The following ATG7 variants were observed in gnomAD, a reference collection of about 807,000 sequenced individuals.
ATG7 encodes the protein ubiquitin-like modifier-activating enzyme ATG7.
In ATG7, 70 loss-of-function variants were observed where a neutral mutation model predicts 82.4. That is an observed-to-expected ratio of 0.85 (90% CI 0.70 to 1.04). The LOEUF is 1.04. ATG7 is among the 50% of genes least tolerant of loss of function. The probability of loss-of-function intolerance (pLI) is 0.00; values close to 1 mark genes in which losing one functional copy is unlikely to be tolerated. For synonymous variants in ATG7, 287 were observed against 313.0 expected (o/e 0.92, Z 0.88); for missense variants, 792 against 864.3 (o/e 0.92, Z 1.05).
In ATG7 at chr3:11,308,953, AC is replaced by A. The variant is rs758369931; in HGVS notation, c.334-29del. ...GTGAGAAACTCAGAGATGCCTGGTA[AC>A]CTGCCTTGATGCTTTTCTTCTTCTT... On this transcript the variant is annotated intron_variant, in intron 6 of 20. Transcript: ENST00000693202. 4 of 1,591,398 alleles carry A rather than the reference AC, an allele frequency of 2.5e-6. No individual in the cohort carries two copies. In the East Asian group the frequency reaches 8.9e-5, roughly 36 times the overall value.
chr3:11,346,320 C>T (rs1329139915), intron 13 of ATG7, among the ~76,000 whole-genome samples: 1 of 152,208 alleles, frequency 6.6e-6, no homozygotes, highest in Non-Finnish European at 1.5e-5. Context: ...GTGACTGCAT[C>T]TTGGTCAGTA....
chr3:11,469,449 CA>C (rs370033434), intron 20 of ATG7, among the ~76,000 whole-genome samples: 4,583 of 140,146 alleles, frequency 0.033, 236 homozygotes, highest in African/African-American at 0.11. Flanking sequence ...AACTCCACCT[CA>C]AAAAAAAAAA....
At chr3:11,532,168 T>G (rs998551644) in intron 20 of ATG7, among the ~76,000 whole-genome samples, 6 of 152,190 alleles carry the variant, frequency 3.9e-5, no homozygotes, top group African/African-American at 9.7e-5. Flanking sequence ...GAAGATTTGC[T>G]CATTCAACAA....
intron 19 of ATG7, among the ~76,000 whole-genome samples, chr3:11,396,441 GA>G (rs909288340): frequency 6.7e-6 from 1 of 149,628 alleles, no homozygotes; most frequent in Admixed American, 6.6e-5. Flanking sequence ...TGTCCCAAAA[GA>G]AAAAAAAATG....
the ATG7 span, among the ~76,000 whole-genome samples, chr3:11,575,916 G>A: frequency 6.6e-6 from 1 of 152,212 alleles, no homozygotes; most frequent in African/African-American, 2.4e-5. Context: ...CGGGACTCAC[G>A]GAAATGCTGG....
intron 20 of ATG7, among the ~76,000 whole-genome samples, chr3:11,440,939 C>T (rs1283627465): frequency 6.6e-6 from 1 of 151,950 alleles, no homozygotes; most frequent in East Asian, 1.9e-4. Flanking sequence ...CTGCCTCGGC[C>T]TCCCAAAGTG....
At chr3:11,506,569 AAAAAAAAAAAAAAAACCC>A (rs1481179864) in intron 20 of ATG7, among the ~76,000 whole-genome samples, 6 of 131,902 alleles carry the variant, frequency 4.5e-5, no homozygotes, top group Non-Finnish European at 7.9e-5. Context: ...AAAAAAAAAA[AAAAAAAAAAAAAAAACCC>A]AAAAATTAGC....
At chr3:11,440,674 C>CATTTTTTTTTTTTTTTT (rs769737485) in intron 20 of ATG7, among the ~76,000 whole-genome samples, 18 of 39,482 alleles carry the variant, frequency 4.6e-4, no homozygotes, top group African/African-American at 2.0e-3. Context: ...TCCCCATTTG[C>CATTTTTTTTTTTTTTTT]TTTTTTTTTT....
At chr3:11,279,863 A>G (rs1942695574) in intron 1 of ATG7, among the ~76,000 whole-genome samples, 1 of 151,898 alleles carries the variant, frequency 6.6e-6, no homozygotes, top group Non-Finnish European at 1.5e-5. Context: ...CCAAATTGCT[A>G]TACTCCGATT....
At chr3:11,437,715 T>C (rs2083488545) in intron 20 of ATG7, among the ~76,000 whole-genome samples, 1 of 152,208 alleles carries the variant, frequency 6.6e-6, no homozygotes, top group Admixed American at 6.5e-5. Flanking sequence ...TGTACGTGCA[T>C]GCACTCCCCC....
At chr3:11,289,139 A>G (rs1252298325) in intron 3 of ATG7, among the ~76,000 whole-genome samples, 1 of 152,216 alleles carries the variant, frequency 6.6e-6, no homozygotes, top group African/African-American at 2.4e-5. Flanking sequence ...TTGAAGTGTG[A>G]TAGAAACAAT....
At position 11,480,992 on chromosome 3, in the gene ATG7, T is replaced by G. The variant is rs139210553; in HGVS notation, c.2079+54066T>G. 6.5e-4 allele frequency among the ~76,000 whole-genome samples: 99 copies of G among 152,354 alleles called. 2 individuals are homozygous for G. In the East Asian group the frequency reaches 0.015, roughly 24 times the overall value. On this transcript the variant is annotated intron_variant, in intron 20 of 20. Coordinates refer to ENST00000693202, the MANE Select transcript of ATG7 (RefSeq NM_001349232.2). ...TAAACAAGTCATAAATTACTCTTAA[T>G]TCTTCTAGGCAAGGGATACTATTAG...
chr3:11,574,783 ATATGTGTGTGTGTGTGTGTGTGTG>A, the ATG7 span, among the ~76,000 whole-genome samples: 17 of 111,854 alleles, frequency 1.5e-4, no homozygotes, highest in African/African-American at 5.6e-4. Context: ...ATTCAACTAT[ATATGTGTGTGTGTGTGTGTGTGTG>A]TGTGTGTGTG....
At chr3:11,509,619 T>C (rs2091940023) in intron 20 of ATG7, among the ~76,000 whole-genome samples, 1 of 152,198 alleles carries the variant, frequency 6.6e-6, no homozygotes, top group African/African-American at 2.4e-5. Context: ...AGAGGCACAG[T>C]TGTTTGGTGT....
At chr3:11,303,420 A>C (rs375038448) in intron 5 of ATG7, among the ~76,000 whole-genome samples, 14 of 152,330 alleles carry the variant, frequency 9.2e-5, no homozygotes, top group South Asian at 8.3e-4. Context: ...CTGTAATCCC[A>C]GCACTTTGGG....
chr3:11,465,102 T>TGA (rs1227935885), intron 20 of ATG7, among the ~76,000 whole-genome samples: 2 of 151,494 alleles, frequency 1.3e-5, no homozygotes, highest in African/African-American at 2.4e-5. Flanking sequence ...TGTGTGTGTG[T>TGA]GTGTGTGTGT....
chr3:11,510,255 CG>C (rs1302373482), intron 20 of ATG7: 4 of 456,544 alleles, frequency 8.8e-6, no homozygotes, highest in Non-Finnish European at 1.8e-5. Context: ...ACTCAGGAGT[CG>C]GCTGCCTGTC....
chr3:11,510,460 C>A, intron 20 of ATG7: 1 of 365,932 alleles, frequency 2.7e-6, no homozygotes, highest in Admixed American at 3.5e-5. Flanking sequence ...CCACCCCCTC[C>A]CCCATCCCAG....
In ATG7 at chr3:11,537,173, C is replaced by T. The variant is rs562722917; in HGVS notation, c.2080-17638C>T. 8.5e-5 allele frequency among the ~76,000 whole-genome samples: 13 copies of T among 152,310 alleles called. No homozygotes were observed. The East Asian group carries it at 2.5e-3, about 29-fold the overall frequency. On this transcript the variant is annotated intron_variant, in intron 20 of 20. Transcript: ENST00000693202. ...TTCTCCGTAGAGAGCTGCCCTCCCT[C>T]CACTCCTGGACGGGCTGGCTCCTTC...
Sources: gnomAD v4.1 joint callset for allele counts (sites outside exome capture counted in the v4.1 genomes callset) on GRCh38, gnomAD v4.1.1 for gene constraint, MANE v1.5 for transcripts, NCBI Gene and HGNC (gene_info 2026-07-23, HGNC 2026-07-21) for gene names.